The following ESRRG variants were observed in gnomAD, a reference collection of about 807,000 sequenced individuals.
ESRRG encodes estrogen-related receptor gamma.
Under a neutral mutation model 44.0 loss-of-function variants are expected in ESRRG, and 13 were observed. The ratio of observed to expected loss-of-function variants is 0.30; its 90% confidence interval spans 0.19 to 0.47. The LOEUF (loss-of-function observed/expected upper bound fraction) is 0.47, where lower values mean the gene tolerates loss of function less well. Among genes scored for constraint, ESRRG ranks in the 20% least tolerant of loss-of-function variants. The pLI is 1.00. For missense variants in ESRRG, 395 were observed against 580.6 expected (o/e 0.68, Z 3.29); for synonymous variants, 215 against 214.6 (o/e 1.00, Z -0.02).
At chr1:216,572,459 TA>T (rs1306864743) in intron 3 of ESRRG, among the ~76,000 whole-genome samples, 1 of 152,126 alleles carries the variant, frequency 6.6e-6, no homozygotes, top group Non-Finnish European at 1.5e-5. Flanking sequence ...TACATGTACT[TA>T]AATTCAATAA....
At chr1:216,840,481 G>A (rs2095634989) in intron 2 of ESRRG, among the ~76,000 whole-genome samples, 1 of 151,236 alleles carries the variant, frequency 6.6e-6, no homozygotes, top group Non-Finnish European at 1.5e-5. Flanking sequence ...TCTTATCATT[G>A]GTGTGTCCAC....
intron 1 of ESRRG, among the ~76,000 whole-genome samples, chr1:216,720,435 T>A (rs976774589): frequency 2.0e-5 from 3 of 152,134 alleles, no homozygotes; most frequent in African/African-American, 7.2e-5. Flanking sequence ...GTCTAGAGTT[T>A]AAGTATTCTT....
intron 2 of ESRRG, among the ~76,000 whole-genome samples, chr1:216,749,305 G>C (rs573544373): frequency 8.5e-5 from 13 of 152,218 alleles, no homozygotes; most frequent in African/African-American, 3.1e-4. Context: ...GGTTCCCTAA[G>C]ACCATACCGA....
intron 1 of ESRRG, among the ~76,000 whole-genome samples, chr1:217,053,137 A>T (rs1294470057): frequency 8.6e-6 from 1 of 116,278 alleles, no homozygotes. Context: ...CCATCTTAAA[A>T]AAAAAAAAAA....
At chr1:216,731,557 C>T (rs2088777664) in intron 2 of ESRRG, among the ~76,000 whole-genome samples, 1 of 152,202 alleles carries the variant, frequency 6.6e-6, no homozygotes, top group Admixed American at 6.5e-5. Context: ...TAGAAAACCA[C>T]ATTTTGGATG....
intron 3 of ESRRG, among the ~76,000 whole-genome samples, chr1:216,637,743 G>A (rs1401137756): frequency 1.3e-5 from 2 of 151,928 alleles, no homozygotes; most frequent in African/African-American, 4.8e-5. Context: ...TGTCTATGGA[G>A]AAGACAGATC....
At chr1:217,112,744 G>T (rs2092674167) in intron 1 of ESRRG, among the ~76,000 whole-genome samples, 1 of 152,152 alleles carries the variant, frequency 6.6e-6, no homozygotes, top group Admixed American at 6.5e-5. Context: ...GTAAGAAATG[G>T]TTAATTACTT....
chr1:216,785,840 T>A (rs530094684), intron 2 of ESRRG, among the ~76,000 whole-genome samples: 48 of 152,216 alleles, frequency 3.2e-4, no homozygotes, highest in African/African-American at 1.1e-3. Flanking sequence ...TGGAAAATAC[T>A]ATAATGAACT....
intron 1 of ESRRG, among the ~76,000 whole-genome samples, 170 bp from the exon 2 acceptor site, chr1:216,677,661 G>A (rs138550516): frequency 2.0e-5 from 3 of 152,288 alleles, no homozygotes; most frequent in Non-Finnish European, 4.4e-5. Context: ...CTTTGAGAGA[G>A]TTTCCTAAGG....
chr1:216,773,735 G>T (rs1358225508), intron 2 of ESRRG, among the ~76,000 whole-genome samples: 1 of 152,094 alleles, frequency 6.6e-6, no homozygotes, highest in African/African-American at 2.4e-5. Context: ...CTGCAGATCA[G>T]CTTGTTTTGA....
intron 1 of ESRRG, among the ~76,000 whole-genome samples, chr1:217,026,044 C>T (rs2081128467): frequency 6.6e-6 from 1 of 152,178 alleles, no homozygotes; most frequent in Admixed American, 6.5e-5. Flanking sequence ...ACCTTTGCCC[C>T]ACTTTTATCC....
chr1:217,028,713 C>T (rs1017010842), intron 1 of ESRRG, among the ~76,000 whole-genome samples: 2 of 152,108 alleles, frequency 1.3e-5, no homozygotes, highest in Non-Finnish European at 2.9e-5. Flanking sequence ...GCAAAAAATA[C>T]ACAGGTAGTT....
intron 4 of ESRRG, among the ~76,000 whole-genome samples, chr1:216,565,984 G>GTTTT (rs5780895): frequency 6.7e-6 from 1 of 149,508 alleles, no homozygotes. Flanking sequence ...GATTCTAGTT[G>GTTTT]TTTTTTTTTT....
chr1:216,897,346 G>A lies in ESRRG; in HGVS notation c.-14+42236C>T, dbSNP rs928266373. On this transcript the variant is annotated intron_variant, in intron 2 of 7. Coordinates refer to the ESRRG transcript ENST00000359162. ...TCAATGTGCCTAAGGATCACCTTGT[G>A]AAGTGTTTAAGATTCAGAGTCCTGA... Among the ~76,000 whole-genome samples the A allele has an allele frequency of 3.9e-5, 6 of 152,276 alleles. No individual in the cohort carries two copies. The South Asian group carries it at 1.2e-3, about 32-fold the overall frequency.
chr1:216,795,995 A>C (rs2094461742), intron 2 of ESRRG, among the ~76,000 whole-genome samples: 1 of 152,188 alleles, frequency 6.6e-6, no homozygotes, highest in South Asian at 2.1e-4. Context: ...GGGGCATTGC[A>C]TATCAGGTAT....
At chr1:216,939,279 C>T (rs774353834) in intron 2 of ESRRG, among the ~76,000 whole-genome samples, 33 of 134,066 alleles carry the variant, frequency 2.5e-4, no homozygotes, top group Admixed American at 2.4e-3. Context: ...TTCCAAAGCA[C>T]CTACATGATC....
intron 6 of ESRRG, among the ~76,000 whole-genome samples, chr1:216,512,921 C>T (rs944366028): frequency 1.3e-5 from 2 of 152,014 alleles, no homozygotes; most frequent in African/African-American, 4.8e-5. Flanking sequence ...GCTTTAAAGA[C>T]GGAGGAGGGT....
At chr1:216,892,314 T>C (rs555937190) in intron 2 of ESRRG, among the ~76,000 whole-genome samples, 175 of 152,248 alleles carry the variant, frequency 1.1e-3, no homozygotes, top group African/African-American at 4.1e-3. Context: ...GGAGACCCTC[T>C]CCCTAGAGAT....
intron 6 of ESRRG, among the ~76,000 whole-genome samples, chr1:216,508,537 G>A (rs1488067134): frequency 6.6e-6 from 1 of 152,104 alleles, no homozygotes; most frequent in Non-Finnish European, 1.5e-5. Flanking sequence ...CCCTGGAGCG[G>A]GACTCAAGTC....
Sources: allele counts gnomAD v4.1 joint callset (sites outside exome capture counted in the v4.1 genomes callset), GRCh38; gene constraint gnomAD v4.1.1; transcripts MANE v1.5; gene names NCBI Gene and HGNC (gene_info 2026-07-23, HGNC 2026-07-21).